The following GAB1 variants were observed in gnomAD, a reference collection of about 807,000 sequenced individuals.
GAB1 encodes the protein GRB2 associated binding protein 1.
A neutral mutation model predicts 66.5 loss-of-function variants in GAB1; 19 were observed. The observed-to-expected ratio is 0.29, with a 90% CI of 0.20 to 0.42. GAB1 has a LOEUF of 0.42. Among genes scored for constraint, GAB1 ranks in the 10% least tolerant of loss-of-function variants. The pLI, the probability that GAB1 is intolerant of heterozygous loss-of-function variation, is 1.00. For missense variants in GAB1, 732 were observed against 858.5 expected (o/e 0.85, Z 1.84); for synonymous variants, 294 against 301.4 (o/e 0.98, Z 0.25).
intron 1 of GAB1, among the ~76,000 whole-genome samples, chr4:143,387,799 A>G (rs1178410909): frequency 6.6e-6 from 1 of 152,142 alleles, no homozygotes. Context: ...AGTAAAGCCA[A>G]GCCTCTAAGG....
At chr4:143,409,868 T>G (rs1363834277) in intron 1 of GAB1, among the ~76,000 whole-genome samples, 1 of 152,104 alleles carries the variant, frequency 6.6e-6, no homozygotes, top group Non-Finnish European at 1.5e-5. Context: ...TGTGTTTGTT[T>G]TGTTTTGTTT....
At chr4:143,447,305 A>T (rs1212351335) in intron 6 of GAB1, among the ~76,000 whole-genome samples, 1 of 152,160 alleles carries the variant, frequency 6.6e-6, no homozygotes, top group African/African-American at 2.4e-5. Flanking sequence ...TATGAACTTT[A>T]AAGTAGTTTT....
At chr4:143,373,576 C>A (rs1429677305) in intron 1 of GAB1, among the ~76,000 whole-genome samples, 4 of 152,054 alleles carry the variant, frequency 2.6e-5, no homozygotes, top group African/African-American at 9.7e-5. Flanking sequence ...CGCCTATAAC[C>A]CTAGCACTTT....
chr4:143,350,379 T>G (rs1163640396), intron 1 of GAB1, among the ~76,000 whole-genome samples: 1 of 152,164 alleles, frequency 6.6e-6, no homozygotes, highest in Non-Finnish European at 1.5e-5. Flanking sequence ...TAAAACACTC[T>G]TAAGGCTTTG....
intron 1 of GAB1, chr4:143,395,702 A>G (rs1731412361): frequency 3.0e-6 from 1 of 331,706 alleles, no homozygotes. Context: ...ATTATAATAA[A>G]TATGAAGTTT....
At chr4:143,420,240 T>C (rs912608809) in intron 2 of GAB1, among the ~76,000 whole-genome samples, 1 of 152,154 alleles carries the variant, frequency 6.6e-6, no homozygotes, top group African/African-American at 2.4e-5. Context: ...ATAATTTTTT[T>C]ACTATGCTAA....
intron 1 of GAB1, among the ~76,000 whole-genome samples, chr4:143,347,565 G>A (rs140992169): frequency 3.9e-5 from 6 of 152,288 alleles, no homozygotes; most frequent in East Asian, 3.9e-4. Flanking sequence ...AATCCTTTCC[G>A]TCAGAGTGAA....
intron 1 of GAB1, among the ~76,000 whole-genome samples, chr4:143,369,652 G>A (rs1730035333): frequency 6.6e-6 from 1 of 152,176 alleles, no homozygotes; most frequent in Admixed American, 6.5e-5. Context: ...TGGTGCCCCA[G>A]ATTTGATATT....
chr4:143,364,931 G>C (rs1729817866), intron 1 of GAB1, among the ~76,000 whole-genome samples: 1 of 141,854 alleles, frequency 7.0e-6, no homozygotes, highest in African/African-American at 2.7e-5. Context: ...AGGCTGGAGT[G>C]CAGTGGCGCT....
rs376615337 is a variant in GAB1 at position 143,440,103 on chromosome 4, G to A, written c.1306G>A (p.Gly436Arg). The part of the protein sequence containing the change: ...HFKVKNVLTV[G>R]SVSSEELDEN... ...GAAAGTCAAAAATGTGTTGACAGTG[G>A]GAAGTGTTTCAAGTGAAGAACTGGA... is the stretch of plus-strand genomic sequence containing the variant. The change falls in exon 6 of 10, where the codon GGA (glycine) becomes AGA (arginine). Residue 436 changes from glycine (G) to arginine (R), a missense_variant. This residue lies in a region of GAB1 where 427 missense variants were observed against 420.6 expected (regional missense o/e 1.02). Coordinates refer to ENST00000262994, the MANE Select transcript of GAB1 (RefSeq NM_002039.4). 20 of 1,613,818 alleles carry A rather than the reference G, an allele frequency of 1.2e-5. No homozygotes were observed. The highest frequency in any genetic ancestry group is 1.7e-5 in the Non-Finnish European group (20 of 1,179,884).
Position 143,460,250 on chromosome 4 carries a change from A to G in GAB1, c.1680-114A>G. 3.1e-6 allele frequency: 3 copies of G among 973,226 alleles called. No homozygotes were observed. The South Asian group carries it at 4.3e-5, about 14-fold the overall frequency. The allele number at this position is 973,226 out of a possible 1,614,324, so 60.3% of individuals were successfully genotyped here. ...ATAAATGTGTACAATGAATGATTAT[A>G]AACATAAGGGAATATTTCTGAAAGA... On this transcript the variant is annotated intron_variant, in intron 7 of 9. Coordinates refer to ENST00000262994, the MANE Select transcript of GAB1 (RefSeq NM_002039.4).
intron 1 of GAB1, among the ~76,000 whole-genome samples, chr4:143,397,856 G>C (rs1731529929): frequency 6.6e-6 from 1 of 152,192 alleles, no homozygotes; most frequent in South Asian, 2.1e-4. Flanking sequence ...ATGAGCAATG[G>C]CAGAGACAGG....
chr4:143,437,949 T>C, intron 3 of GAB1, 50 bp from the exon 4 acceptor site: 1 of 1,525,098 alleles, frequency 6.6e-7, no homozygotes, highest in South Asian at 1.3e-5. Context: ...ATAAAAAATG[T>C]ATTCTTAGTC....
At chr4:143,460,638 G>A (rs558429468) in intron 8 of GAB1, 151 bp downstream of exon 8, 3 of 679,656 alleles carry the variant, frequency 4.4e-6, no homozygotes, top group Admixed American at 5.3e-5. Flanking sequence ...TAAAAATAAT[G>A]TCATAAACTC....
intron 5 of GAB1, 86 bp downstream of exon 5, chr4:143,439,973 G>A: frequency 7.1e-7 from 1 of 1,404,790 alleles, no homozygotes; most frequent in Non-Finnish European, 1.0e-6. Context: ...GTGATATCAT[G>A]AAATAAAAGT....
At chr4:143,429,136 T>C (rs974640824) in intron 2 of GAB1, among the ~76,000 whole-genome samples, 6 of 152,226 alleles carry the variant, frequency 3.9e-5, no homozygotes, top group Non-Finnish European at 8.8e-5. Context: ...GGAGTCTTAC[T>C]CTATTGCCCA....
chr4:143,353,305 A>G (rs983924761), intron 1 of GAB1, among the ~76,000 whole-genome samples: 4 of 152,224 alleles, frequency 2.6e-5, no homozygotes, highest in Non-Finnish European at 5.9e-5. Context: ...GTTGATTTGT[A>G]AAAGAACACC....
In GAB1 at chr4:143,351,800, A is replaced by G. The variant is rs945295183; in HGVS notation, c.72+14540A>G. Among the ~76,000 whole-genome samples the G allele has an allele frequency of 5.3e-5, 8 of 152,248 alleles. No homozygotes were observed. In the East Asian group the frequency reaches 1.5e-3, roughly 29 times the overall value. Reference sequence around the variant, plus strand: ...TCTAGTGGGTAGAAGCAGGGATGCTACTAAACACTCTATTGCACAGATTTA... The same window carrying G: ...TCTAGTGGGTAGAAGCAGGGATGCTGCTAAACACTCTATTGCACAGATTTA... On this transcript the variant is annotated intron_variant, in intron 1 of 9. Transcript: ENST00000262994.
At chr4:143,433,369 G>A (rs1733775314) in intron 2 of GAB1, 122 bp from the exon 3 acceptor site, 1 of 687,022 alleles carries the variant, frequency 1.5e-6, no homozygotes, top group East Asian at 2.7e-5. Context: ...GTTTGTTTTA[G>A]CTGACATTGT....
Sources: gnomAD v4.1 joint callset for allele counts (sites outside exome capture counted in the v4.1 genomes callset) on GRCh38, gnomAD v4.1.1 for gene constraint, gnomAD v4.1.1 regional missense constraint, MANE v1.5 for transcripts, NCBI Gene and HGNC (gene_info 2026-07-23, HGNC 2026-07-21) for gene names.